ZMYM4: variants seen among roughly 807,000 people sequenced by gnomAD.
The protein encoded by ZMYM4 is zinc finger MYM-type containing 4.
In ZMYM4, 31 loss-of-function variants were observed where a neutral mutation model predicts 183.2. The ratio of observed to expected loss-of-function variants is 0.17; its 90% CI spans 0.13 to 0.23. The LOEUF (loss-of-function observed/expected upper bound fraction) is 0.23. Ranked by LOEUF, ZMYM4 falls within the 10% of genes least tolerant of loss-of-function variation. The pLI, the probability that ZMYM4 is intolerant of heterozygous loss-of-function variation, is 1.00. For synonymous variants in ZMYM4, 592 were observed against 631.2 expected (o/e 0.94, Z 0.93); for missense variants, 1,273 against 1,840.3 (o/e 0.69, Z 5.64).
chr1:35,296,843 CTTTTTTTTTT>C (rs780202714), intron 1 of ZMYM4, among the ~76,000 whole-genome samples: 2 of 95,626 alleles, frequency 2.1e-5, no homozygotes, highest in South Asian at 3.8e-4. Context: ...TTCTTTCTTT[CTTTTTTTTTT>C]TTTTTTTTTT....
chr1:35,268,734 G>A lies in ZMYM4; in HGVS notation c.-313G>A, dbSNP rs573198756. On this transcript the variant is annotated 5_prime_UTR_variant, in exon 1 of 30. Transcript: ENST00000314607. ...GATTTGGTGATCCCTTTAAGAAACC[G>A]CAGGCGGAGGAATTTCTCTGAGAGA... 1.3e-5 allele frequency among the ~76,000 whole-genome samples: 2 copies of A among 152,240 alleles called. No individual in the cohort carries two copies. Among genetic ancestry groups the A allele is most frequent in the African/African-American group, 2.4e-5 (1 of 41,460 alleles).
At chr1:35,402,017 G>T (rs1644918706) in intron 23 of ZMYM4, among the ~76,000 whole-genome samples, 1 of 151,310 alleles carries the variant, frequency 6.6e-6, no homozygotes, top group African/African-American at 2.4e-5. Context: ...ATTTTACAGT[G>T]AGCCTGGAAA....
At chr1:35,270,788 C>T (rs1374465964) in intron 1 of ZMYM4, among the ~76,000 whole-genome samples, 1 of 148,270 alleles carries the variant, frequency 6.7e-6, no homozygotes, top group Non-Finnish European at 1.5e-5. Flanking sequence ...AAACCCCCTC[C>T]AAAAAAAAAA....
chr1:35,401,902 G>C (rs1644916062), intron 23 of ZMYM4, among the ~76,000 whole-genome samples: 1 of 152,126 alleles, frequency 6.6e-6, no homozygotes. Flanking sequence ...TCTGTTAAAA[G>C]TCAATCATAT....
At chr1:35,342,358 T>C (rs1405700552) in intron 2 of ZMYM4, among the ~76,000 whole-genome samples, 1 of 151,980 alleles carries the variant, frequency 6.6e-6, no homozygotes, top group Non-Finnish European at 1.5e-5. Context: ...AGAAGGTCTT[T>C]CTCTGTTGCC....
At chr1:35,288,260 C>T (rs1490332991) in intron 1 of ZMYM4, among the ~76,000 whole-genome samples, 2 of 152,128 alleles carry the variant, frequency 1.3e-5, no homozygotes, top group African/African-American at 2.4e-5. Flanking sequence ...TTACTGTTTC[C>T]TCTACCCCAT....
At position 35,392,231 on chromosome 1, in the gene ZMYM4, A is replaced by G; in HGVS notation, c.2607A>G (p.Gln869=). The change falls in exon 16 of 30, where the codon CAA becomes CAG. Residue 869 remains glutamine (Q), a synonymous_variant. Transcript: ENST00000314607. Reference sequence around the variant, plus strand: ...AATCAGCAAATATTTCCATGGTTCAAGCTGCTTCAGCAGGACCCCCATCTC... The same window carrying G: ...AATCAGCAAATATTTCCATGGTTCAGGCTGCTTCAGCAGGACCCCCATCTC... The part of the protein sequence containing the change: ...QNNAANISMV[Q]AASAGPPSLR... 6.2e-7 allele frequency: 1 copy of G among 1,614,166 alleles called. No individual in the cohort carries two copies. Among genetic ancestry groups the G allele is most frequent in the Non-Finnish European group, 8.5e-7 (1 of 1,180,022 alleles).
intron 2 of ZMYM4, among the ~76,000 whole-genome samples, chr1:35,338,848 T>C (rs1643082543): frequency 6.6e-6 from 1 of 152,252 alleles, no homozygotes; most frequent in Admixed American, 6.5e-5. Flanking sequence ...CTAAATGTTC[T>C]GAACAATAAA....
chr1:35,363,568 G>T (rs1362303133), intron 5 of ZMYM4, among the ~76,000 whole-genome samples: 2 of 152,174 alleles, frequency 1.3e-5, no homozygotes, highest in African/African-American at 4.8e-5. Context: ...TTGATGCTCA[G>T]TTAGCATGAA....
chr1:35,353,792 G>A (rs1266331756), intron 2 of ZMYM4, among the ~76,000 whole-genome samples: 1 of 152,176 alleles, frequency 6.6e-6, no homozygotes, highest in Non-Finnish European at 1.5e-5. Flanking sequence ...ATTTTATGCA[G>A]CCTACAGATT....
At chr1:35,326,207 A>C (rs1023645910) in intron 2 of ZMYM4, among the ~76,000 whole-genome samples, 3 of 152,210 alleles carry the variant, frequency 2.0e-5, no homozygotes, top group Non-Finnish European at 2.9e-5. Flanking sequence ...CCTGTGGCAT[A>C]TTTTTAGTCA....
In ZMYM4 at chr1:35,351,533, G is replaced by C. The variant is rs149453946; in HGVS notation, c.86-7392G>C. ...GTGGAACCATCCCAAAATATCCCTT[G>C]CTCAGAAGAAAGATCAGGTAACTCA... On this transcript the variant is annotated intron_variant, in intron 2 of 29. Coordinates refer to ENST00000314607, the MANE Select transcript of ZMYM4 (RefSeq NM_005095.3). 1.9e-4 allele frequency: 241 copies of C among 1,242,052 alleles called. No homozygotes were observed. In the East Asian group the frequency reaches 5.5e-3, roughly 28 times the overall value. The allele number at this position is 1,242,052 out of a possible 1,614,324, so 76.9% of individuals were successfully genotyped here. A position where few individuals can be genotyped will look rare whatever the true frequency, so the allele number is the denominator to read the frequency against.
chr1:35,386,867 G>T (rs763192039), intron 11 of ZMYM4, 136 bp from the exon 12 acceptor site: 25 of 899,990 alleles, frequency 2.8e-5, no homozygotes, highest in Non-Finnish European at 4.0e-5. Flanking sequence ...GTAATAAGCT[G>T]CTCAGAGGCA....
At chr1:35,317,208 G>A (rs1642085338) in intron 1 of ZMYM4, among the ~76,000 whole-genome samples, 1 of 151,926 alleles carries the variant, frequency 6.6e-6, no homozygotes, top group Non-Finnish European at 1.5e-5. Context: ...CGAGGCAGGT[G>A]GATCGCCTGA....
At chr1:35,308,732 A>AT (rs2148773496) in intron 1 of ZMYM4, among the ~76,000 whole-genome samples, 1 of 152,230 alleles carries the variant, frequency 6.6e-6, no homozygotes, top group South Asian at 2.1e-4. Flanking sequence ...ATGGTGGCGC[A>AT]TGCCTGTAGT....
intron 2 of ZMYM4, among the ~76,000 whole-genome samples, chr1:35,355,006 A>G (rs1338714964): frequency 2.0e-5 from 3 of 151,538 alleles, no homozygotes; most frequent in African/African-American, 7.3e-5. Context: ...TTGGCCTATA[A>G]TATAGCTGCA....
chr1:35,285,023 C>G (rs1415717508), intron 1 of ZMYM4, among the ~76,000 whole-genome samples: 1 of 152,054 alleles, frequency 6.6e-6, no homozygotes, highest in Non-Finnish European at 1.5e-5. Flanking sequence ...ACTTTCAGTT[C>G]TGTTCTATTT....
chr1:35,347,707 G>A (rs1643450503), intron 2 of ZMYM4, among the ~76,000 whole-genome samples: 1 of 152,098 alleles, frequency 6.6e-6, no homozygotes, highest in Non-Finnish European at 1.5e-5. Flanking sequence ...GAATTAGAAG[G>A]AAGAATAGTA....
intron 13 of ZMYM4, among the ~76,000 whole-genome samples, chr1:35,388,156 A>T (rs1396336778): frequency 2.0e-5 from 3 of 152,222 alleles, no homozygotes; most frequent in African/African-American, 7.2e-5. Flanking sequence ...AAATACATTT[A>T]CACTGTGACC....
Sources: allele counts gnomAD v4.1 joint callset (sites outside exome capture counted in the v4.1 genomes callset), GRCh38; gene constraint gnomAD v4.1.1; transcripts MANE v1.5; gene names NCBI Gene and HGNC (gene_info 2026-07-23, HGNC 2026-07-21).